Variants in CPZ observed in about 807,000 individuals in gnomAD.
CPZ encodes carboxypeptidase Z.
CPZ carries 103 observed loss-of-function variants against 61.8 expected under a neutral mutation model. The ratio of observed to expected loss-of-function variants is 1.67; its 90% confidence interval spans 1.42 to 1.96. The LOEUF is 1.96. Among genes scored for constraint, CPZ ranks in the 30% most tolerant of loss-of-function variants. CPZ has a pLI of 0.00. For synonymous variants in CPZ, 551 were observed against 373.7 expected (o/e 1.47, Z -5.47); for missense variants, 1,461 against 914.9 (o/e 1.60, Z -7.70).
At chr4:8,606,327 A>C (rs1560295070) in intron 5 of CPZ, 142 bp downstream of exon 5, 3 of 825,942 alleles carry the variant, frequency 3.6e-6, no homozygotes, top group East Asian at 2.7e-5. Context: ...ATACTGGCAA[A>C]CCCCTGCTTC....
chr4:8,615,767 C>T (rs1490942576), intron 9 of CPZ, among the ~76,000 whole-genome samples: 1 of 152,218 alleles, frequency 6.6e-6, no homozygotes, highest in South Asian at 2.1e-4. Flanking sequence ...TCTTCCCAAG[C>T]CCTCTGTCCA....
chr4:8,595,323 T>C (rs2109309650), intron 1 of CPZ, among the ~76,000 whole-genome samples: 2 of 152,256 alleles, frequency 1.3e-5, no homozygotes, highest in South Asian at 4.2e-4. Flanking sequence ...CCACTGTGCG[T>C]TTGCAAGTCT....
Position 8,607,980 on chromosome 4 carries a change from G to C in CPZ, c.1227+555G>C, listed in dbSNP as rs144296117. 5.9e-3 allele frequency among the ~76,000 whole-genome samples: 904 copies of C among 152,290 alleles called. 7 individuals are homozygous for C. Among genetic ancestry groups the C allele is most frequent in the African/African-American group, 0.017 (713 of 41,552 alleles). On this transcript the variant is annotated intron_variant, in intron 7 of 10. Transcript: ENST00000360986. ...TTTCTCCTACTGTTCGTAGAGCAGC[G>C]GGCGATGAGACCCGTGATGATGCTG...
intron 9 of CPZ, among the ~76,000 whole-genome samples, chr4:8,616,768 T>G (rs112004268): frequency 1.8e-3 from 281 of 152,302 alleles, no homozygotes; most frequent in Non-Finnish European, 3.0e-3. Flanking sequence ...AAAACCTTAC[T>G]TTTTATGCTC....
chr4:8,611,013 C>T (rs1715614193), intron 7 of CPZ: 2 of 326,328 alleles, frequency 6.1e-6, no homozygotes, highest in South Asian at 2.2e-5. Flanking sequence ...TTCACTCACT[C>T]ATTCACTCAT....
In CPZ at chr4:8,619,648, G is replaced by C; in HGVS notation, c.*31G>C. ...GCCCCAGCACCCGCCAGGATGTGGA[G>C]ACCGAGGCCCATCTCCGCATCCCGG... On this transcript the variant is annotated 3_prime_UTR_variant, in exon 11 of 11. Transcript: ENST00000360986. 3.4e-6 allele frequency: 5 copies of C among 1,457,100 alleles called. No individual in the cohort carries two copies. The highest frequency in any genetic ancestry group is 4.5e-6 in the Non-Finnish European group (5 of 1,103,086). The allele number at this position is 1,457,100 out of a possible 1,614,324, so 90.3% of individuals were successfully genotyped here. A position where few individuals can be genotyped will look rare whatever the true frequency, so the allele number is the denominator to read the frequency against.
In CPZ at chr4:8,618,441, A is replaced by G. The variant is rs1472282969; in HGVS notation, c.1516A>G (p.Ile506Val). 1 of 1,614,052 alleles carries G rather than the reference A, an allele frequency of 6.2e-7. No individual in the cohort carries two copies. Among genetic ancestry groups the G allele is most frequent in the East Asian group, 2.2e-5 (1 of 44,886 alleles). ...LNFVETVHRG[I>V]KGVVTDKFGK... ...TTGGTCTCTTCAGGTGCACCGGGGC[A>G]TCAAAGGTGTGGTGACAGATAAATT... is the stretch of plus-strand genomic sequence containing the variant. The change falls in exon 10 of 11, where the codon ATC (isoleucine) becomes GTC (valine). Residue 506 changes from isoleucine (I) to valine (V), a missense_variant. Ile to Val is a conservative substitution (Grantham distance 29, BLOSUM62 3). Coordinates refer to ENST00000360986, the MANE Select transcript of CPZ (RefSeq NM_001014447.3).
At chr4:8,617,135 C>G (rs4696867) in intron 9 of CPZ, among the ~76,000 whole-genome samples, 72,836 of 152,138 alleles carry the variant, frequency 0.48, 18,075 homozygotes, top group Non-Finnish European at 0.55. Context: ...TCACGGGCCG[C>G]GTGTGTCAGG....
chr4:8,609,581 TGGCTGGGCAG>T (rs1041830966), intron 7 of CPZ, among the ~76,000 whole-genome samples: 2 of 147,146 alleles, frequency 1.4e-5, no homozygotes, highest in African/African-American at 5.4e-5. Flanking sequence ...TTGGGGGCCA[TGGCTGGGCAG>T]GGCAGGTGTC....
chr4:8,608,195 C>T (rs1320270792), intron 7 of CPZ, among the ~76,000 whole-genome samples: 2 of 149,082 alleles, frequency 1.3e-5, no homozygotes, highest in African/African-American at 2.4e-5. Flanking sequence ...CTGAACTGCC[C>T]CTAGTGGTCC....
intron 1 of CPZ, chr4:8,597,690 C>T (rs1014671430): frequency 6.6e-6 from 1 of 152,286 alleles, no homozygotes; most frequent in African/African-American, 2.4e-5. Context: ...CTCCCACACT[C>T]AGCACAGCAG....
chr4:8,593,370 G>T (rs1713941393), intron 1 of CPZ, among the ~76,000 whole-genome samples: 1 of 152,222 alleles, frequency 6.6e-6, no homozygotes, highest in South Asian at 2.1e-4. Context: ...CTGTGATGTG[G>T]ACAGCAAGTC....
Position 8,619,548 on chromosome 4 carries a change from T to G in CPZ, c.1890T>G (p.Ser630Arg). 1 of 1,563,954 alleles carries G rather than the reference T, an allele frequency of 6.4e-7. No homozygotes were observed. The highest frequency in any genetic ancestry group is 8.7e-7 in the Non-Finnish European group (1 of 1,154,332). The stretch of plus-strand genomic sequence containing the variant: ...GCAGGCAGCCCTCGGCCGACGGGAG[T>G]AAGCCCTGGTGGTGGTCCTACTTCA... ...RARRQPSADG[S>R]KPWWWSYFTS... The change falls in exon 11 of 11, where the codon AGT (serine) becomes AGG (arginine). Residue 630 changes from serine (S) to arginine (R), a missense_variant. Ser to Arg is a moderately radical substitution (Grantham distance 110, BLOSUM62 -1). Coordinates refer to ENST00000360986, the MANE Select transcript of CPZ (RefSeq NM_001014447.3).
intron 7 of CPZ, 118 bp downstream of exon 7, chr4:8,607,543 G>A: frequency 1.6e-6 from 2 of 1,229,004 alleles, no homozygotes; most frequent in Non-Finnish European, 2.2e-6. Context: ...CCTCTACTCA[G>A]AGCGGGTCAG....
At position 8,614,447 on chromosome 4, in the gene CPZ, G is replaced by C; in HGVS notation, c.1452G>C (p.Leu484=). The change falls in exon 9 of 11, where the codon CTG becomes CTC. Residue 484 remains leucine, a synonymous_variant. Transcript: ENST00000360986. ...GCVKFPPEEA[L]YILWQHNKES... ...TGAAGTTCCCCCCCGAGGAGGCCCTGTACATACTCTGGCAGCACAACAAGG... is the reference window on the plus strand; with the variant it reads ...TGAAGTTCCCCCCCGAGGAGGCCCTCTACATACTCTGGCAGCACAACAAGG... The C allele has an allele frequency of 6.2e-7, 1 of 1,614,044 alleles. No homozygotes were observed. The highest frequency in any genetic ancestry group is 8.5e-7 in the Non-Finnish European group (1 of 1,179,974).
At chr4:8,617,044 C>T (rs752627781) in intron 9 of CPZ, among the ~76,000 whole-genome samples, 16 of 152,210 alleles carry the variant, frequency 1.1e-4, no homozygotes, top group Non-Finnish European at 2.1e-4. Flanking sequence ...ACTGGGTGCC[C>T]ACTCCCCTCT....
intron 7 of CPZ, among the ~76,000 whole-genome samples, chr4:8,611,566 G>A (rs1367493410): frequency 6.6e-6 from 1 of 152,170 alleles, no homozygotes; most frequent in Admixed American, 6.5e-5. Flanking sequence ...GGAGTGGGGT[G>A]GGGAATGAAG....
chr4:8,593,261 T>C (rs1019126819), intron 1 of CPZ, among the ~76,000 whole-genome samples: 2 of 152,122 alleles, frequency 1.3e-5, no homozygotes, highest in Non-Finnish European at 2.9e-5. Flanking sequence ...GCCAGGACTT[T>C]GCAGGGTGAG....
At chr4:8,607,525 C>T in intron 7 of CPZ, 100 bp downstream of exon 7, 1 of 1,383,350 alleles carries the variant, frequency 7.2e-7, no homozygotes, top group Non-Finnish European at 9.8e-7. Flanking sequence ...AGGCAAAGCT[C>T]CTAGGAACCT....
Sources: gnomAD v4.1 joint callset for allele counts (sites outside exome capture counted in the v4.1 genomes callset) on GRCh38, gnomAD v4.1.1 for gene constraint, MANE v1.5 for transcripts, NCBI Gene and HGNC (gene_info 2026-07-23, HGNC 2026-07-21) for gene names.